Variants in NSD3 observed in about 807,000 individuals in gnomAD.
The protein encoded by NSD3 is nuclear receptor binding SET domain protein 3.
In NSD3, 24 loss-of-function variants were observed where a neutral mutation model predicts 160.8. That is an observed-to-expected ratio of 0.15 (90% CI 0.11 to 0.21). The LOEUF (loss-of-function observed/expected upper bound fraction) is 0.21. Ranked by LOEUF, NSD3 falls within the 10% of genes least tolerant of loss-of-function variation. The pLI, the probability that NSD3 is intolerant of heterozygous loss-of-function variation, is 1.00. For synonymous variants in NSD3, 520 were observed against 600.0 expected, an observed-to-expected ratio of 0.87 and a Z score of 1.95; for missense variants, 1,157 against 1,735.9, an observed-to-expected ratio of 0.67 and a Z score of 5.93.
At chr8:38,307,131 AAATAAAAT>A (rs1809424589) in intron 12 of NSD3, among the ~76,000 whole-genome samples, 5 of 105,522 alleles carry the variant, frequency 4.7e-5, no homozygotes, top group Admixed American at 2.9e-4. Flanking sequence ...AAAAAAAATA[AAATAAAAT>A]AAATAAATAA....
At chr8:38,283,653 C>T (rs1035678235) in intron 19 of NSD3, among the ~76,000 whole-genome samples, 2 of 152,160 alleles carry the variant, frequency 1.3e-5, no homozygotes, top group Non-Finnish European at 2.9e-5. Context: ...CTGCCTCTTC[C>T]TTTGGTGGCA....
At chr8:38,297,617 T>A (rs1297230489) in intron 15 of NSD3, among the ~76,000 whole-genome samples, 1 of 152,034 alleles carries the variant, frequency 6.6e-6, no homozygotes, top group African/African-American at 2.4e-5. Context: ...AAAAAGAAAA[T>A]CCATATACAA....
chr8:38,276,157 A>G, intron 23 of NSD3, 139 bp downstream of exon 23: 1 of 1,006,050 alleles, frequency 9.9e-7, no homozygotes, highest in Non-Finnish European at 1.5e-6. Context: ...GTGTAAGGGG[A>G]AAGATTTTTG....
intron 2 of NSD3, among the ~76,000 whole-genome samples, chr8:38,340,880 C>T (rs1810346204): frequency 6.6e-6 from 1 of 152,140 alleles, no homozygotes; most frequent in Admixed American, 6.5e-5. Context: ...AAAGTAAGTG[C>T]TATGGCTCGG....
chr8:38,296,958 C>T (rs1056110783), intron 15 of NSD3, among the ~76,000 whole-genome samples: 2 of 152,074 alleles, frequency 1.3e-5, no homozygotes, highest in African/African-American at 4.8e-5. Flanking sequence ...AGATTCTGAT[C>T]CCAATAACAA....
intron 14 of NSD3, 54 bp downstream of exon 14, chr8:38,304,533 G>A (rs1809350386): frequency 1.3e-6 from 2 of 1,554,814 alleles, no homozygotes; most frequent in South Asian, 1.2e-5. Context: ...TATGTTAATG[G>A]AGAAATATGC....
chr8:38,312,143 A>G (rs370911393), intron 12 of NSD3, among the ~76,000 whole-genome samples: 2 of 152,178 alleles, frequency 1.3e-5, no homozygotes, highest in African/African-American at 2.4e-5. Flanking sequence ...CCATTGGTCT[A>G]TATGTCTGTC....
Position 38,316,533 on chromosome 8 carries a change from A to G in NSD3, c.1856-491T>C. On this transcript the variant is annotated intron_variant, in intron 9 of 23. Coordinates refer to ENST00000317025, the MANE Select transcript of NSD3 (RefSeq NM_023034.2). The surrounding 1 kb of genome is among the most constrained non-coding windows in gnomAD (Gnocchi z 4.5). ...AGTGCCATTTTCCCCCAAATTTTGC[A>G]ATTCAGTTGATTATTGCCCCCCAAT... is the stretch of plus-strand genomic sequence containing the variant. 1 of 1,048,480 alleles carries G rather than the reference A, an allele frequency of 9.5e-7. No individual in the cohort carries two copies. The highest frequency in any genetic ancestry group is 4.6e-5 in the South Asian group (1 of 21,872). 64.9% of individuals were successfully genotyped at this position (1,048,480 alleles called of 1,614,324 possible). A position where few individuals can be genotyped will look rare whatever the true frequency, so the allele number is the denominator to read the frequency against.
At chr8:38,303,237 T>C (rs1809316486) in intron 14 of NSD3, 1 of 985,220 alleles carries the variant, frequency 1.0e-6, no homozygotes, top group South Asian at 4.7e-5. Context: ...AATAATTTTT[T>C]CTTCTAATCA....
At chr8:38,338,694 A>G in intron 2 of NSD3, 87 bp from the exon 3 acceptor site, 1 of 1,059,490 alleles carries the variant, frequency 9.4e-7, no homozygotes, top group South Asian at 1.3e-5. Context: ...AAAAGAATCA[A>G]AGAAAACTAA....
intron 20 of NSD3, 48 bp downstream of exon 20, chr8:38,281,419 A>C: frequency 9.2e-7 from 1 of 1,081,356 alleles, no homozygotes; most frequent in Non-Finnish European, 1.3e-6. Context: ...TATGAAACAA[A>C]AACAAAAACA....
intron 12 of NSD3, among the ~76,000 whole-genome samples, chr8:38,306,247 AG>A (rs1339300948): frequency 6.6e-6 from 1 of 152,190 alleles, no homozygotes; most frequent in East Asian, 1.9e-4. Flanking sequence ...AACATTAAAA[AG>A]ATAGTAAAAG....
chr8:38,334,284 G>C (rs1810151038), intron 4 of NSD3, among the ~76,000 whole-genome samples: 1 of 152,186 alleles, frequency 6.6e-6, no homozygotes, highest in African/African-American at 2.4e-5. Context: ...CAGATGAATA[G>C]GTAAGTCTAC....
intron 1 of NSD3, among the ~76,000 whole-genome samples, chr8:38,368,680 CCCTTAT>C (rs1811166153): frequency 6.6e-6 from 1 of 152,188 alleles, no homozygotes; most frequent in Non-Finnish European, 1.5e-5. Context: ...CACCCTGTTT[CCCTTAT>C]CTATCTAGTT....
rs749146943 is a variant in NSD3 at position 38,329,341 on chromosome 8, A to G, written c.1581+37T>C. ...TGCCAAGGTTGACCACTTTTAAAAT[A>G]CCATCCCCCAAAAAACTCCACGAAA... On this transcript the variant is annotated intron_variant, in intron 6 of 23. Transcript: ENST00000317025. This position sits in a 1 kb window ranked among gnomAD's most constrained non-coding sequence, Gnocchi z 4.8. 4.4e-6 allele frequency: 7 copies of G among 1,587,416 alleles called. No individual in the cohort carries two copies. Among genetic ancestry groups the G allele is most frequent in the Non-Finnish European group, 5.1e-6 (6 of 1,165,600 alleles).
In NSD3 at chr8:38,321,230, T is replaced by C; in HGVS notation, c.1709-58A>G. 1.4e-6 allele frequency: 2 copies of C among 1,422,964 alleles called. No individual in the cohort carries two copies. The highest frequency in any genetic ancestry group is 2.3e-5 in the East Asian group (1 of 42,952). 88.1% of individuals were successfully genotyped at this position (1,422,964 alleles called of 1,614,324 possible). A position where few individuals can be genotyped will look rare whatever the true frequency, so the allele number is the denominator to read the frequency against. On this transcript the variant is annotated intron_variant, in intron 7 of 23. Coordinates refer to ENST00000317025, the MANE Select transcript of NSD3 (RefSeq NM_023034.2). The surrounding 1 kb of genome is among the most constrained non-coding windows in gnomAD (Gnocchi z 4.7). The stretch of plus-strand genomic sequence containing the variant: ...TCACTTAAGGATACCTTGACATCTA[T>C]GTAATTAAGATATGACCACATTCCT...
chr8:38,359,999 ATT>A (rs3050695), intron 1 of NSD3, among the ~76,000 whole-genome samples: 3 of 143,336 alleles, frequency 2.1e-5, no homozygotes, highest in Non-Finnish European at 1.5e-5. Context: ...CTCTCAAACA[ATT>A]TTTTTTTTTT....
Position 38,321,695 on chromosome 8 carries a change from A to G in NSD3, c.1709-523T>C, listed in dbSNP as rs1305192056. On this transcript the variant is annotated intron_variant, in intron 7 of 23. Transcript: ENST00000317025. This position sits in a 1 kb window ranked among gnomAD's most constrained non-coding sequence, Gnocchi z 4.7. ...TTTTGCTGTTGTTATTAATAACAAAAGCAGGAAAAGCAGGGAAGGCAAAAA... is the reference window on the plus strand; with the variant it reads ...TTTTGCTGTTGTTATTAATAACAAAGGCAGGAAAAGCAGGGAAGGCAAAAA... Among the ~76,000 whole-genome samples, 1 of 152,220 alleles carries G rather than the reference A, an allele frequency of 6.6e-6. No homozygotes were observed. Among genetic ancestry groups the G allele is most frequent in the Non-Finnish European group, 1.5e-5 (1 of 68,032 alleles).
chr8:38,317,441 G>A lies in NSD3; in HGVS notation c.1856-1399C>T. 9.4e-7 allele frequency: 1 copy of A among 1,058,438 alleles called. No homozygotes were observed. Among genetic ancestry groups the A allele is most frequent in the Non-Finnish European group, 1.1e-6 (1 of 874,978 alleles). 65.6% of individuals were successfully genotyped at this position (1,058,438 alleles called of 1,614,324 possible). A position where few individuals can be genotyped will look rare whatever the true frequency, so the allele number is the denominator to read the frequency against. On this transcript the variant is annotated intron_variant, in intron 9 of 23. Coordinates refer to ENST00000317025, the MANE Select transcript of NSD3 (RefSeq NM_023034.2). This position sits in a 1 kb window ranked among gnomAD's most constrained non-coding sequence, Gnocchi z 5.3. ...AACAGAGGAACAGGAGTGCTGTACTGAGAGGCTTTCGAAGGGAAACACAGG... is the reference window on the plus strand; with the variant it reads ...AACAGAGGAACAGGAGTGCTGTACTAAGAGGCTTTCGAAGGGAAACACAGG...
Sources: gnomAD v4.1 joint callset for allele counts (sites outside exome capture counted in the v4.1 genomes callset) on GRCh38, gnomAD v4.1.1 for gene constraint, Gnocchi (gnomAD v3.1) non-coding constraint, MANE v1.5 for transcripts, NCBI Gene and HGNC (gene_info 2026-07-23, HGNC 2026-07-21) for gene names.